Variants in KLHL20 observed in about 807,000 individuals in gnomAD.
KLHL20 encodes kelch like family member 20.
Under a neutral mutation model 69.5 loss-of-function variants are expected in KLHL20, and 29 were observed. That is an observed-to-expected ratio of 0.42 (90% CI 0.31 to 0.57). KLHL20 has a LOEUF of 0.57. Among genes scored for constraint, KLHL20 ranks in the 20% least tolerant of loss-of-function variants. The pLI is 0.18. For synonymous variants in KLHL20, 253 were observed against 265.2 expected, an observed-to-expected ratio of 0.95 and a Z score of 0.45; for missense variants, 419 against 776.0, an observed-to-expected ratio of 0.54 and a Z score of 5.47.
At chr1:173,756,234 A>G (rs1313812361) in intron 6 of KLHL20, among the ~76,000 whole-genome samples, 196 bp downstream of exon 6, 2 of 152,194 alleles carry the variant, frequency 1.3e-5, no homozygotes, top group South Asian at 2.1e-4. Flanking sequence ...TTCTCATTCA[A>G]CACCTTTAAT....
At chr1:173,728,651 A>C (rs1444423148) in intron 2 of KLHL20, among the ~76,000 whole-genome samples, 3 of 152,276 alleles carry the variant, frequency 2.0e-5, no homozygotes, top group Admixed American at 2.0e-4. Context: ...ACTACTGAGC[A>C]TAACGAAATG....
intron 2 of KLHL20, among the ~76,000 whole-genome samples, chr1:173,726,668 A>G (rs538056468): frequency 4.0e-4 from 61 of 152,346 alleles, no homozygotes; most frequent in African/African-American, 1.3e-3. Flanking sequence ...GCAAACTCCA[A>G]CAGACCTGCA....
intron 10 of KLHL20, among the ~76,000 whole-genome samples, chr1:173,779,566 G>A (rs1399767945): frequency 1.3e-5 from 2 of 151,894 alleles, no homozygotes; most frequent in African/African-American, 4.8e-5. Context: ...GGCCAGGCTG[G>A]TCTCAAACTC....
rs540624115 is a variant in KLHL20 at position 173,729,843 on chromosome 1, A to C, written c.24-3870A>C. 1.4e-4 allele frequency among the ~76,000 whole-genome samples: 21 copies of C among 152,318 alleles called. No homozygotes were observed. The South Asian group carries it at 3.9e-3, about 29-fold the overall frequency. ...ATGCCCTCTCTCACCACTCCTATTC[A>C]ACATAGTGTTGGAAGTTCTGGCCAA... is the stretch of plus-strand genomic sequence containing the variant. On this transcript the variant is annotated intron_variant, in intron 2 of 11. Transcript: ENST00000209884.
At chr1:173,745,858 A>G (rs1673035131) in intron 3 of KLHL20, among the ~76,000 whole-genome samples, 2 of 152,100 alleles carry the variant, frequency 1.3e-5, no homozygotes, top group Admixed American at 1.3e-4. Context: ...TAGATATTTT[A>G]TCATGTTTAG....
intron 3 of KLHL20, among the ~76,000 whole-genome samples, chr1:173,748,760 GAAAA>G (rs150091168): frequency 6.8e-6 from 1 of 146,778 alleles, no homozygotes; most frequent in Non-Finnish European, 1.5e-5. Context: ...TAAAAAATCA[GAAAA>G]AAAAAAGAAT....
intron 8 of KLHL20, among the ~76,000 whole-genome samples, chr1:173,767,658 C>T (rs1288542877): frequency 1.3e-5 from 2 of 152,138 alleles, no homozygotes; most frequent in South Asian, 2.1e-4. Flanking sequence ...AGCATTTTCT[C>T]ATATACTGAG....
Position 173,735,302 on chromosome 1 carries a change from C to T in KLHL20, c.597+1016C>T, listed in dbSNP as rs537575920. On this transcript the variant is annotated intron_variant, in intron 3 of 11. Coordinates refer to ENST00000209884, the MANE Select transcript of KLHL20 (RefSeq NM_014458.4). ...CTCTACAAAAAATACAAAAATTAGTCGGGCATGGTGGCGTGCACCCTTAGT... is the reference window on the plus strand; with the variant it reads ...CTCTACAAAAAATACAAAAATTAGTTGGGCATGGTGGCGTGCACCCTTAGT... 1.2e-4 allele frequency among the ~76,000 whole-genome samples: 19 copies of T among 152,136 alleles called. No individual in the cohort carries two copies. The South Asian group carries it at 3.1e-3, about 25-fold the overall frequency.
intron 2 of KLHL20, among the ~76,000 whole-genome samples, chr1:173,729,952 T>C (rs532348981): frequency 3.5e-4 from 54 of 152,298 alleles, no homozygotes; most frequent in African/African-American, 1.2e-3. Flanking sequence ...CATGACATGA[T>C]TGTATGTCTA....
chr1:173,774,210 C>G, intron 8 of KLHL20, 95 bp from the exon 9 acceptor site: 1 of 1,413,150 alleles, frequency 7.1e-7, no homozygotes, highest in South Asian at 1.3e-5. Context: ...ATAGCAAGTC[C>G]GTGTACTCAG....
Position 173,766,113 on chromosome 1 carries a change from A to G in KLHL20, c.1152-33A>G, listed in dbSNP as rs757162811. 5 of 1,527,534 alleles carry G rather than the reference A, an allele frequency of 3.3e-6. No homozygotes were observed. In the South Asian group the frequency reaches 5.2e-5, roughly 16 times the overall value. The allele number at this position is 1,527,534 out of a possible 1,614,324, so 94.6% of individuals were successfully genotyped here. ...AACATAGCCAAGCTTCCTTTGTGTA[A>G]TACAAACTCTCCTCTTGGTATGTTC... is the stretch of plus-strand genomic sequence containing the variant. On this transcript the variant is annotated intron_variant, in intron 7 of 11. Coordinates refer to ENST00000209884, the MANE Select transcript of KLHL20 (RefSeq NM_014458.4).
intron 7 of KLHL20, among the ~76,000 whole-genome samples, chr1:173,757,592 G>A (rs1412639647): frequency 6.6e-6 from 1 of 150,744 alleles, no homozygotes. Context: ...CAGAACCTGG[G>A]AGGCAGAGCT....
chr1:173,737,931 T>C (rs1672611447), intron 3 of KLHL20, among the ~76,000 whole-genome samples: 1 of 151,418 alleles, frequency 6.6e-6, no homozygotes, highest in African/African-American at 2.4e-5. Context: ...TAGTGAGATA[T>C]ATTCCTAAGT....
intron 10 of KLHL20, 194 bp from the exon 11 acceptor site, chr1:173,781,930 T>C (rs185118848): frequency 2.0e-6 from 1 of 490,566 alleles, no homozygotes; most frequent in Non-Finnish European, 3.7e-6. Flanking sequence ...GTGAATATTC[T>C]AATTGAATAT....
In KLHL20 at chr1:173,777,781, A is replaced by C. The variant is rs532697372; in HGVS notation, c.1638+1939A>C. On this transcript the variant is annotated intron_variant, in intron 10 of 11. Coordinates refer to ENST00000209884, the MANE Select transcript of KLHL20 (RefSeq NM_014458.4). The stretch of plus-strand genomic sequence containing the variant: ...AATTTCTACCTGGTCATGATGAATT[A>C]TCTTTCTAATGTGTCATTGAATTCA... 2.0e-5 allele frequency among the ~76,000 whole-genome samples: 3 copies of C among 152,300 alleles called. No homozygotes were observed. The East Asian group carries it at 5.8e-4, about 29-fold the overall frequency.
rs140182766 is a variant in KLHL20 at position 173,733,227 on chromosome 1, C to A, written c.24-486C>A. Among the ~76,000 whole-genome samples the A allele has an allele frequency of 1.2e-4, 18 of 152,046 alleles. No individual in the cohort carries two copies. In the East Asian group the frequency reaches 3.3e-3, roughly 28 times the overall value. On this transcript the variant is annotated intron_variant, in intron 2 of 11. Coordinates refer to ENST00000209884, the MANE Select transcript of KLHL20 (RefSeq NM_014458.4). The stretch of plus-strand genomic sequence containing the variant: ...AGTAGAGACAGGGTTTTGCCACATT[C>A]ACCAGGCTGGTTTCGAACTCCTGGC...
At chr1:173,717,839 TTGA>T (rs1318152450) in intron 2 of KLHL20, among the ~76,000 whole-genome samples, 3 of 152,268 alleles carry the variant, frequency 2.0e-5, no homozygotes, top group Non-Finnish European at 2.9e-5. Flanking sequence ...ATTCTAATTT[TTGA>T]TTATAAAGTT....
intron 10 of KLHL20, 65 bp from the exon 11 acceptor site, chr1:173,782,059 C>A: frequency 1.8e-6 from 2 of 1,083,818 alleles, no homozygotes; most frequent in South Asian, 1.3e-5. Flanking sequence ...TATCTAGAAA[C>A]CAGTCTATAA....
chr1:173,737,076 G>GT (rs35330564), intron 3 of KLHL20, among the ~76,000 whole-genome samples: 1 of 151,992 alleles, frequency 6.6e-6, no homozygotes, highest in Non-Finnish European at 1.5e-5. Flanking sequence ...GGAATTATTT[G>GT]TTTTTTTCCT....
Sources: allele counts gnomAD v4.1 joint callset (sites outside exome capture counted in the v4.1 genomes callset), GRCh38; gene constraint gnomAD v4.1.1; transcripts MANE v1.5; gene names NCBI Gene and HGNC (gene_info 2026-07-23, HGNC 2026-07-21).